The following FANK1 variants were observed in gnomAD, a reference collection of about 807,000 sequenced individuals.
FANK1 encodes fibronectin type 3 and ankyrin repeat domains protein 1.
Under a neutral mutation model 45.3 loss-of-function variants are expected in FANK1, and 44 were observed. That is an observed-to-expected ratio of 0.97 (90% CI 0.76 to 1.25). The LOEUF is 1.25. Among genes scored for constraint, FANK1 ranks in the 50% most tolerant of loss-of-function variants. The probability of loss-of-function intolerance (pLI) is 0.00; values close to 1 mark genes in which losing one functional copy is unlikely to be tolerated. For synonymous variants in FANK1, 149 were observed against 152.5 expected (o/e 0.98, Z 0.17); for missense variants, 391 against 424.4 (o/e 0.92, Z 0.69).
chr10:125,944,506 C>G (rs1183967316), intron 1 of FANK1, among the ~76,000 whole-genome samples: 1 of 152,074 alleles, frequency 6.6e-6, no homozygotes, highest in Non-Finnish European at 1.5e-5. Flanking sequence ...GGGAGCAGGC[C>G]CCCCAAAATC....
In FANK1 at chr10:125,963,047, T is replaced by C. The variant is rs185941191; in HGVS notation, c.14-17114T>C. 5.9e-3 allele frequency among the ~76,000 whole-genome samples: 890 copies of C among 151,656 alleles called. 8 individuals carry two copies. The highest frequency in any genetic ancestry group is 0.02 in the African/African-American group (844 of 41,362). On this transcript the variant is annotated intron_variant, in intron 1 of 10. Transcript: ENST00000368693. ...TCGCCCAGGCTGGAGTGCAGTGGTG[T>C]GTGAGCTCTGCTCACTGCAACCTCT... is the stretch of plus-strand genomic sequence containing the variant.
intron 1 of FANK1, among the ~76,000 whole-genome samples, chr10:125,964,935 G>A (rs574714077): frequency 6.6e-6 from 1 of 152,294 alleles, no homozygotes; most frequent in South Asian, 2.1e-4. Context: ...AAGGCTGGCG[G>A]AGCACCTGAG....
At chr10:125,930,577 A>G (rs899670225) in intron 1 of FANK1, among the ~76,000 whole-genome samples, 8 of 151,094 alleles carry the variant, frequency 5.3e-5, no homozygotes, top group Middle Eastern at 3.2e-3. Context: ...GGCTCAGGCA[A>G]TCCTCCGCTT....
intron 1 of FANK1, among the ~76,000 whole-genome samples, chr10:125,916,306 CA>C (rs1564867884): frequency 6.6e-6 from 1 of 152,142 alleles, no homozygotes; most frequent in Non-Finnish European, 1.5e-5. Flanking sequence ...GGATTACAGG[CA>C]TGAGCCACCA....
intron 5 of FANK1, 122 bp from the exon 6 acceptor site, chr10:125,997,298 G>A: frequency 3.1e-6 from 2 of 642,636 alleles, no homozygotes; most frequent in Non-Finnish European, 5.1e-6. Flanking sequence ...GCTTCTGAAG[G>A]TGCAGAAGAA....
chr10:125,920,705 A>T (rs1005920992), intron 1 of FANK1, among the ~76,000 whole-genome samples: 1 of 152,230 alleles, frequency 6.6e-6, no homozygotes, highest in Non-Finnish European at 1.5e-5. Context: ...AGGGCAGCAC[A>T]TCGTTTGCAG....
chr10:125,902,234 A>G (rs1945098663), intron 1 of FANK1, among the ~76,000 whole-genome samples: 1 of 152,160 alleles, frequency 6.6e-6, no homozygotes, highest in South Asian at 2.1e-4. Flanking sequence ...CACATTGTGC[A>G]CATGTACCCT....
intron 1 of FANK1, among the ~76,000 whole-genome samples, chr10:125,977,287 C>T (rs1324861031): frequency 6.6e-6 from 1 of 152,154 alleles, no homozygotes; most frequent in Non-Finnish European, 1.5e-5. Flanking sequence ...TTTCACTGGG[C>T]TGATGCTTTA....
chr10:125,960,624 T>C (rs11244729), intron 1 of FANK1, among the ~76,000 whole-genome samples: 55,711 of 152,030 alleles, frequency 0.37, 10,670 homozygotes, highest in Non-Finnish European at 0.44. Flanking sequence ...CCTCCCGGGT[T>C]CATGTCATTC....
intron 1 of FANK1, among the ~76,000 whole-genome samples, chr10:125,940,973 C>T (rs1948419565): frequency 6.6e-6 from 1 of 152,216 alleles, no homozygotes; most frequent in Non-Finnish European, 1.5e-5. Flanking sequence ...TTAATAGCAT[C>T]TCAAGGCAAA....
At chr10:125,969,228 A>G (rs1308229237) in intron 1 of FANK1, among the ~76,000 whole-genome samples, 1 of 151,042 alleles carries the variant, frequency 6.6e-6, no homozygotes, top group Non-Finnish European at 1.5e-5. Context: ...TGCTTTTTTT[A>G]GAAAACAAAC....
chr10:125,928,188 C>T (rs1320662984), intron 1 of FANK1, among the ~76,000 whole-genome samples: 3 of 151,088 alleles, frequency 2.0e-5, no homozygotes, highest in South Asian at 2.1e-4. Flanking sequence ...CAGAGCAGCC[C>T]GAGGGCTGCT....
chr10:125,965,248 G>T (rs1950145368), intron 1 of FANK1, among the ~76,000 whole-genome samples: 1 of 152,150 alleles, frequency 6.6e-6, no homozygotes. Flanking sequence ...AGGTTGAGTA[G>T]GTTTCACTGG....
chr10:125,984,000 A>G lies in FANK1; in HGVS notation c.191+3662A>G, dbSNP rs903822314. 1.3e-5 allele frequency among the ~76,000 whole-genome samples: 2 copies of G among 152,192 alleles called. No individual in the cohort carries two copies. Among genetic ancestry groups the G allele is most frequent in the Non-Finnish European group, 2.9e-5 (2 of 68,040 alleles). On this transcript the variant is annotated intron_variant, in intron 2 of 10. Coordinates refer to ENST00000368693, the MANE Select transcript of FANK1 (RefSeq NM_145235.5). The surrounding 1 kb of genome is among the most constrained non-coding windows in gnomAD (Gnocchi z 4.3). ...TGTGGAAAGTGGGAGGATGCAGGAT[A>G]TGCTTTAAAGATGGATTTAAGAACT...
chr10:125,950,291 C>T (rs1949115639), intron 1 of FANK1, among the ~76,000 whole-genome samples: 1 of 150,378 alleles, frequency 6.6e-6, no homozygotes, highest in Non-Finnish European at 1.5e-5. Flanking sequence ...TAAAGAGCTT[C>T]TGCACAGCAA....
chr10:125,955,220 T>G (rs1564910470), intron 1 of FANK1, among the ~76,000 whole-genome samples: 1 of 152,014 alleles, frequency 6.6e-6, no homozygotes, highest in African/African-American at 2.4e-5. Flanking sequence ...AGGCATTAAG[T>G]CTAGCATCCA....
At position 125,963,739 on chromosome 10, in the gene FANK1, G is replaced by T. The variant is rs182891197; in HGVS notation, c.14-16422G>T. Among the ~76,000 whole-genome samples, 241 of 152,236 alleles carry T rather than the reference G, an allele frequency of 1.6e-3. 1 individual carries two copies. Among genetic ancestry groups the T allele is most frequent in the Non-Finnish European group, 2.8e-3 (191 of 68,016 alleles). On this transcript the variant is annotated intron_variant, in intron 1 of 10. Coordinates refer to ENST00000368693, the MANE Select transcript of FANK1 (RefSeq NM_145235.5). ...AGGGGAACATCACACCCTGGGGCCT[G>T]TCATGGGGTGTGGGTAGGGGGGAGG...
In FANK1 at chr10:125,943,192, AATTTTCTGT is replaced by A. The variant is rs552786493; in HGVS notation, c.14-36959_14-36951del. Among the ~76,000 whole-genome samples, 4 of 152,240 alleles carry A rather than the reference AATTTTCTGT, an allele frequency of 2.6e-5. No individual in the cohort carries two copies. The South Asian group carries it at 8.3e-4, about 32-fold the overall frequency. ...AATCACCATTGTTTCATAGTCCAGT[AATTTTCTGT>A]ATTTTCTGTTAAACTCTTCATATGT... is the stretch of plus-strand genomic sequence containing the variant. On this transcript the variant is annotated intron_variant, in intron 1 of 10. Transcript: ENST00000368693.
intron 1 of FANK1, among the ~76,000 whole-genome samples, chr10:125,977,348 G>T (rs1590134489): frequency 6.6e-6 from 1 of 152,306 alleles, no homozygotes; most frequent in African/African-American, 2.4e-5. Context: ...TCAGAGGGGG[G>T]TATGTTAATG....
Sources: allele counts gnomAD v4.1 joint callset (sites outside exome capture counted in the v4.1 genomes callset), GRCh38; gene constraint gnomAD v4.1.1; non-coding constraint Gnocchi (gnomAD v3.1); transcripts MANE v1.5; gene names NCBI Gene and HGNC (gene_info 2026-07-23, HGNC 2026-07-21).